The following NBAS variants were observed in gnomAD, a reference collection of about 807,000 sequenced individuals.
The protein encoded by NBAS is NAG/BC035112 fusion.
NBAS carries 219 observed loss-of-function variants against 302.5 expected under a neutral mutation model. That is an observed-to-expected ratio of 0.72 (90% CI 0.65 to 0.81). The LOEUF is 0.81. NBAS is among the 30% of genes least tolerant of loss of function. NBAS has a pLI of 0.00. For synonymous variants in NBAS, 1,118 were observed against 1,021.6 expected (o/e 1.09, Z -1.80); for missense variants, 2,932 against 2,841.6 (o/e 1.03, Z -0.72).
chr2:15,379,929 A>G, intron 29 of NBAS, 98 bp from the exon 30 acceptor site: 1 of 1,118,404 alleles, frequency 8.9e-7, no homozygotes, highest in South Asian at 1.3e-5. Context: ...AATTAAAAAC[A>G]CATCCACCCT....
At chr2:14,808,724 A>T in the NBAS span, among the ~76,000 whole-genome samples, 1 of 152,220 alleles carries the variant, frequency 6.6e-6, no homozygotes, top group South Asian at 2.1e-4. Context: ...CTGAAAATGC[A>T]TAAGCAACTT....
intron 7 of NBAS, among the ~76,000 whole-genome samples, chr2:15,537,973 G>A (rs756495511): frequency 1.5e-4 from 23 of 152,044 alleles, no homozygotes; most frequent in South Asian, 1.0e-3. Flanking sequence ...CTTGATACAC[G>A]GCTAGTCCAA....
chr2:14,893,742 C>T, the NBAS span, among the ~76,000 whole-genome samples: 9 of 152,170 alleles, frequency 5.9e-5, no homozygotes, highest in African/African-American at 1.9e-4. Context: ...CCACCCCAGT[C>T]CATCCTAGCA....
chr2:15,373,787 T>C (rs535014924), intron 31 of NBAS, among the ~76,000 whole-genome samples: 1 of 152,232 alleles, frequency 6.6e-6, no homozygotes, highest in South Asian at 2.1e-4. Context: ...TTGTAAGAGA[T>C]CTAAACCTCT....
At chr2:15,085,994 G>C in the NBAS span, among the ~76,000 whole-genome samples, 16 of 152,122 alleles carry the variant, frequency 1.1e-4, no homozygotes, top group South Asian at 4.1e-4. Context: ...GATGGCTCCT[G>C]GAGGGAAGGG....
chr2:15,220,052 C>G, intron 47 of NBAS, among the ~76,000 whole-genome samples: 1 of 107,118 alleles, frequency 9.3e-6, no homozygotes. Flanking sequence ...ACCTCCCTCC[C>G]GGACGGGGCG....
intron 29 of NBAS, among the ~76,000 whole-genome samples, chr2:15,380,294 G>A (rs1181993190): frequency 6.6e-6 from 1 of 151,878 alleles, no homozygotes; most frequent in Non-Finnish European, 1.5e-5. Context: ...TCCATAGGCT[G>A]GTCTCAAACT....
chr2:15,298,660 C>A (rs1398212300), intron 40 of NBAS, among the ~76,000 whole-genome samples: 1 of 152,176 alleles, frequency 6.6e-6, no homozygotes, highest in African/African-American at 2.4e-5. Flanking sequence ...AGTAAAAATT[C>A]TTCCCCTGAG....
intron 21 of NBAS, among the ~76,000 whole-genome samples, chr2:15,458,559 T>G (rs558226237): frequency 6.6e-6 from 1 of 152,214 alleles, no homozygotes; most frequent in East Asian, 1.9e-4. Flanking sequence ...TTGCTCCCCC[T>G]TCACCTTCCA....
intron 35 of NBAS, among the ~76,000 whole-genome samples, chr2:15,346,264 A>G (rs1192605106): frequency 6.6e-6 from 1 of 152,204 alleles, no homozygotes; most frequent in Non-Finnish European, 1.5e-5. Flanking sequence ...CCATCTGACA[A>G]AGATCCAATA....
chr2:15,324,592 G>A (rs951762228), intron 38 of NBAS, among the ~76,000 whole-genome samples: 1 of 152,110 alleles, frequency 6.6e-6, no homozygotes, highest in Non-Finnish European at 1.5e-5. Flanking sequence ...CAGTGCCTCT[G>A]GGTTTGCCTA....
intron 32 of NBAS, among the ~76,000 whole-genome samples, chr2:15,362,752 T>A (rs1455343809): frequency 6.6e-6 from 1 of 152,196 alleles, no homozygotes; most frequent in African/African-American, 2.4e-5. Flanking sequence ...TTTTTTTATG[T>A]CAACCTAGCT....
At chr2:15,430,935 T>C (rs1465691824) in intron 21 of NBAS, among the ~76,000 whole-genome samples, 2 of 151,914 alleles carry the variant, frequency 1.3e-5, no homozygotes, top group Non-Finnish European at 2.9e-5. Context: ...GCCTCCTGAG[T>C]AGCTGGGACT....
rs552663109 is a variant in NBAS at position 15,541,491 on chromosome 2, T to C, written c.380-2135A>G. On this transcript the variant is annotated intron_variant, in intron 6 of 51. Coordinates refer to ENST00000281513, the MANE Select transcript of NBAS (RefSeq NM_015909.4). Reference sequence around the variant, plus strand: ...ACTTCCCTTAACTTTGTAATACATATTCTAGGGAATATATGGGGAAAGTAC... The same window carrying C: ...ACTTCCCTTAACTTTGTAATACATACTCTAGGGAATATATGGGGAAAGTAC... Among the ~76,000 whole-genome samples the C allele has an allele frequency of 2.1e-3, 313 of 152,290 alleles. 2 individuals carry two copies. Among genetic ancestry groups the C allele is most frequent in the Non-Finnish European group, 3.3e-3 (224 of 68,020 alleles).
At chr2:15,548,755 G>C (rs999450630) in intron 6 of NBAS, among the ~76,000 whole-genome samples, 1 of 151,224 alleles carries the variant, frequency 6.6e-6, no homozygotes, top group Non-Finnish European at 1.5e-5. Context: ...TGGTGGGAGC[G>C]AACACAGGGA....
intron 42 of NBAS, among the ~76,000 whole-genome samples, chr2:15,286,462 C>T (rs749465298): frequency 1.3e-5 from 2 of 152,342 alleles, no homozygotes; most frequent in Admixed American, 1.3e-4. Context: ...TCTTGCTGTA[C>T]AGCCTGGCTC....
At chr2:15,363,980 G>A (rs2148333321) in intron 32 of NBAS, among the ~76,000 whole-genome samples, 1 of 152,238 alleles carries the variant, frequency 6.6e-6, no homozygotes, top group Middle Eastern at 3.4e-3. Flanking sequence ...CGTGCTGAGA[G>A]AACACACTCA....
the NBAS span, among the ~76,000 whole-genome samples, chr2:14,783,717 T>G: frequency 6.6e-6 from 1 of 152,000 alleles, no homozygotes; most frequent in East Asian, 1.9e-4. Flanking sequence ...ATCCAGTCTA[T>G]CATTGTTGGA....
the NBAS span, among the ~76,000 whole-genome samples, chr2:14,916,584 A>G: frequency 1.6e-5 from 1 of 63,250 alleles, no homozygotes; most frequent in Non-Finnish European, 3.4e-5. Flanking sequence ...TTTCAGTAAT[A>G]TATATATATG....
Sources: gnomAD v4.1 joint callset for allele counts (sites outside exome capture counted in the v4.1 genomes callset) on GRCh38, gnomAD v4.1.1 for gene constraint, MANE v1.5 for transcripts, NCBI Gene and HGNC (gene_info 2026-07-23, HGNC 2026-07-21) for gene names.